Variants in TAFA2 observed in about 807,000 individuals in gnomAD.
TAFA2 encodes TAFA chemokine like family member 2.
A neutral mutation model predicts 18.8 loss-of-function variants in TAFA2; 7 were observed. The ratio of observed to expected loss-of-function variants is 0.37; its 90% CI spans 0.21 to 0.70. The LOEUF (loss-of-function observed/expected upper bound fraction) is 0.70, where lower values mean the gene tolerates loss of function less well. TAFA2 is among the 30% of genes least tolerant of loss of function. The pLI, the probability that TAFA2 is intolerant of heterozygous loss-of-function variation, is 0.53. For missense variants in TAFA2, 122 were observed against 158.1 expected (o/e 0.77, Z 1.23); for synonymous variants, 60 against 54.2 (o/e 1.11, Z -0.47).
rs557981577 is a variant in TAFA2 at position 62,151,431 on chromosome 12, T to C, written c.-2+39828A>G. 5.3e-5 allele frequency among the ~76,000 whole-genome samples: 8 copies of C among 152,346 alleles called. No individual in the cohort carries two copies. The South Asian group carries it at 1.5e-3, about 28-fold the overall frequency. On this transcript the variant is annotated intron_variant, in intron 1 of 4. Transcript: ENST00000416284. The stretch of plus-strand genomic sequence containing the variant: ...CACTTGCAGAGAAACTTAAAATGTG[T>C]TCTCTATAAAAAGGAAGGTCTTCTT...
At chr12:61,988,780 G>A (rs1879900946) in intron 1 of TAFA2, among the ~76,000 whole-genome samples, 1 of 152,106 alleles carries the variant, frequency 6.6e-6, no homozygotes, top group South Asian at 2.1e-4. Flanking sequence ...TCAGCAGGAG[G>A]CTGTCTGTGC....
intron 1 of TAFA2, among the ~76,000 whole-genome samples, chr12:61,985,693 TTC>T (rs1592530909): frequency 6.6e-6 from 1 of 152,230 alleles, no homozygotes; most frequent in Admixed American, 6.5e-5. Context: ...GATAACATCT[TTC>T]TCTTTCTGTT....
At chr12:62,136,195 C>A (rs1024938891) in intron 1 of TAFA2, among the ~76,000 whole-genome samples, 3 of 152,052 alleles carry the variant, frequency 2.0e-5, no homozygotes, top group Non-Finnish European at 4.4e-5. Flanking sequence ...TTACTTTCAT[C>A]AGTTTAGATT....
At chr12:61,903,801 C>A (rs527744717) in intron 1 of TAFA2, among the ~76,000 whole-genome samples, 1 of 152,246 alleles carries the variant, frequency 6.6e-6, no homozygotes, top group African/African-American at 2.4e-5. Flanking sequence ...ATTGCACTCA[C>A]AAAGTCAAAA....
At chr12:62,035,733 CTTTT>C (rs34859628) in intron 1 of TAFA2, among the ~76,000 whole-genome samples, 7 of 60,228 alleles carry the variant, frequency 1.2e-4, no homozygotes, top group South Asian at 7.0e-4. Flanking sequence ...ATGATTCTTT[CTTTT>C]TTTTTTTTTT....
intron 1 of TAFA2, among the ~76,000 whole-genome samples, chr12:62,066,080 C>G (rs903738079): frequency 6.7e-6 from 1 of 149,458 alleles, no homozygotes; most frequent in Admixed American, 6.7e-5. Flanking sequence ...ACAGAATTCC[C>G]CATTCAAATA....
In TAFA2 at chr12:61,849,748, A is replaced by G. The variant is rs140816795; in HGVS notation, c.106+17572T>C. Among the ~76,000 whole-genome samples the G allele has an allele frequency of 8.5e-5, 13 of 152,324 alleles. No individual in the cohort carries two copies. The East Asian group carries it at 2.1e-3, about 25-fold the overall frequency. The stretch of plus-strand genomic sequence containing the variant: ...AGTGTGACTGAACAAAAATTTAGGT[A>G]CTTTAGACGGTCTCACCTTTCTTTT... On this transcript the variant is annotated intron_variant, in intron 2 of 4. Coordinates refer to ENST00000416284, the MANE Select transcript of TAFA2 (RefSeq NM_178539.5).
intron 1 of TAFA2, among the ~76,000 whole-genome samples, chr12:62,088,382 A>G (rs1022520076): frequency 3.3e-5 from 5 of 152,044 alleles, no homozygotes; most frequent in Admixed American, 2.6e-4. Flanking sequence ...GAAATACAAG[A>G]GAAAAGGAGC....
At chr12:61,879,393 C>A in intron 1 of TAFA2, 1 of 748,016 alleles carries the variant, frequency 1.3e-6, no homozygotes, top group Non-Finnish European at 2.3e-6. Flanking sequence ...CCGCTTCCTA[C>A]ACGAGTGGTC....
At chr12:61,928,155 C>T (rs7313148) in intron 1 of TAFA2, among the ~76,000 whole-genome samples, 2,660 of 152,228 alleles carry the variant, frequency 0.017, 87 homozygotes, top group African/African-American at 0.06. Context: ...CCAAAATTGA[C>T]GAATGGGATC....
chr12:62,202,617 C>T (rs202078330), intron 1 of TAFA2, among the ~76,000 whole-genome samples: 8 of 151,936 alleles, frequency 5.3e-5, no homozygotes, highest in South Asian at 4.2e-4. Context: ...CCACTGTGCC[C>T]GGTCCTTTCT....
At chr12:61,912,735 A>C (rs964016186) in intron 1 of TAFA2, among the ~76,000 whole-genome samples, 4 of 152,216 alleles carry the variant, frequency 2.6e-5, no homozygotes, top group Non-Finnish European at 5.9e-5. Flanking sequence ...GTAAAGCTAA[A>C]AAACTGTTTG....
chr12:61,900,043 A>G (rs1876030319), intron 1 of TAFA2, among the ~76,000 whole-genome samples: 1 of 152,172 alleles, frequency 6.6e-6, no homozygotes, highest in African/African-American at 2.4e-5. Context: ...GTTGTATTTC[A>G]TTCATTTTCA....
chr12:62,034,153 C>T (rs1010513368), intron 1 of TAFA2, among the ~76,000 whole-genome samples: 11 of 152,100 alleles, frequency 7.2e-5, no homozygotes, highest in African/African-American at 1.9e-4. Context: ...ACATGATAAG[C>T]GGTGATTTGA....
intron 1 of TAFA2, chr12:61,879,199 A>C: frequency 3.0e-6 from 1 of 335,596 alleles, no homozygotes; most frequent in Non-Finnish European, 5.5e-6. Context: ...ACATTCTTCC[A>C]GCTTCAGGCC....
chr12:62,065,826 C>T (rs575520817), intron 1 of TAFA2, among the ~76,000 whole-genome samples: 2 of 151,748 alleles, frequency 1.3e-5, no homozygotes, highest in South Asian at 4.2e-4. Context: ...TTATCATCCA[C>T]AAAATAATAA....
At chr12:62,116,862 G>C (rs762659023) in intron 1 of TAFA2, among the ~76,000 whole-genome samples, 4 of 152,122 alleles carry the variant, frequency 2.6e-5, no homozygotes, top group Admixed American at 1.3e-4. Flanking sequence ...AGATAAATGA[G>C]GTTGTCTATT....
chr12:61,821,668 C>T (rs970863360), intron 2 of TAFA2, among the ~76,000 whole-genome samples: 3 of 152,024 alleles, frequency 2.0e-5, no homozygotes, highest in South Asian at 2.1e-4. Context: ...ACATATTTAT[C>T]CTCTATCCAG....
At position 62,035,702 on chromosome 12, in the gene TAFA2, T is replaced by A. The variant is rs76074364; in HGVS notation, c.-2+155557A>T. ...CTAGGGCAAGGTTTCCGAACTTCAGTGCTATTGACGCTAGGGGTCAATGAT... is the reference window on the plus strand; with the variant it reads ...CTAGGGCAAGGTTTCCGAACTTCAGAGCTATTGACGCTAGGGGTCAATGAT... On this transcript the variant is annotated intron_variant, in intron 1 of 4. Transcript: ENST00000416284. Among the ~76,000 whole-genome samples the A allele has an allele frequency of 2.7e-5, 4 of 147,852 alleles. No homozygotes were observed. In the East Asian group the frequency reaches 7.9e-4, roughly 29 times the overall value.
Sources: gnomAD v4.1 joint callset for allele counts (sites outside exome capture counted in the v4.1 genomes callset) on GRCh38, gnomAD v4.1.1 for gene constraint, MANE v1.5 for transcripts, NCBI Gene and HGNC (gene_info 2026-07-23, HGNC 2026-07-21) for gene names.